The following RASA2 variants were observed in gnomAD, a reference collection of about 807,000 sequenced individuals.
RASA2 encodes ras GTPase-activating protein 2.
RASA2 carries 155 observed loss-of-function variants against 118.2 expected under a neutral mutation model. That is an observed-to-expected ratio of 1.31 (90% CI 1.15 to 1.50). The LOEUF (loss-of-function observed/expected upper bound fraction) is 1.50, where lower values mean the gene tolerates loss of function less well. Among genes scored for constraint, RASA2 ranks in the 40% most tolerant of loss-of-function variants. The pLI, the probability that RASA2 is intolerant of heterozygous loss-of-function variation, is 0.00. For missense variants in RASA2, 1,016 were observed against 1,009.6 expected (o/e 1.01, Z -0.09); for synonymous variants, 353 against 349.1 (o/e 1.01, Z -0.12).
At chr3:141,552,843 T>G (rs2082594313) in intron 5 of RASA2, among the ~76,000 whole-genome samples, 1 of 152,196 alleles carries the variant, frequency 6.6e-6, no homozygotes, top group Admixed American at 6.5e-5. Flanking sequence ...CTCAACAGCT[T>G]GCATCTTTCA....
intron 5 of RASA2, among the ~76,000 whole-genome samples, chr3:141,553,111 T>G (rs543159691): frequency 2.0e-5 from 3 of 152,314 alleles, no homozygotes; most frequent in Non-Finnish European, 4.4e-5. Context: ...TTACTGAGAA[T>G]TGGAATAAAA....
intron 11 of RASA2, 95 bp downstream of exon 11, chr3:141,571,649 G>T (rs1486106995): frequency 7.9e-7 from 1 of 1,270,892 alleles, no homozygotes; most frequent in Admixed American, 2.5e-5. Flanking sequence ...TTTTTGTATT[G>T]ATCAGCCTTA....
At chr3:141,513,326 A>G (rs1251715694) in intron 2 of RASA2, among the ~76,000 whole-genome samples, 1 of 151,928 alleles carries the variant, frequency 6.6e-6, no homozygotes, top group African/African-American at 2.4e-5. Flanking sequence ...AAGGTATTGT[A>G]TAAAACTGAA....
Position 141,487,103 on chromosome 3 carries a change from C to T in RASA2, c.20C>T (p.Ala7Val). 1 of 1,399,488 alleles carries T rather than the reference C, an allele frequency of 7.1e-7. No individual in the cohort carries two copies. 86.7% of individuals were successfully genotyped at this position (1,399,488 alleles called of 1,614,324 possible). A position where few individuals can be genotyped will look rare whatever the true frequency, so the allele number is the denominator to read the frequency against. The stretch of plus-strand genomic sequence containing the variant: ...GGCACCATGGCGGCGGCGGCGCCTG[C>T]TGCTGCGGCGGCTTCTTCCGAGGCG... MAAAAP[A>V]AAAASSEAPA... Residue 7 changes from alanine to valine, a missense_variant, in exon 1 of 24, where the codon GCT becomes GTT. Physicochemically the swap from Ala to Val is moderately conservative, Grantham distance 64. Transcript: ENST00000286364.
chr3:141,580,080 AAAAAAAT>A (rs2083081304), intron 15 of RASA2, among the ~76,000 whole-genome samples: 116 of 103,512 alleles, frequency 1.1e-3, no homozygotes, highest in African/African-American at 4.3e-3. Flanking sequence ...AAAAAAAAAA[AAAAAAAT>A]ATATATATAT....
At chr3:141,593,218 T>C (rs551074450) in intron 19 of RASA2, among the ~76,000 whole-genome samples, 89 of 152,246 alleles carry the variant, frequency 5.8e-4, no homozygotes, top group African/African-American at 2.1e-3. Flanking sequence ...CGGCTAATTT[T>C]GTATTTTTAG....
Position 141,518,663 on chromosome 3 carries a change from G to A in RASA2, c.355+2232G>A, listed in dbSNP as rs2082067490. Among the ~76,000 whole-genome samples the A allele has an allele frequency of 2.7e-5, 4 of 150,798 alleles. No individual in the cohort carries two copies. In the South Asian group the frequency reaches 8.4e-4, roughly 32 times the overall value. On this transcript the variant is annotated intron_variant, in intron 3 of 23. Transcript: ENST00000286364. ...TATAATCTGGCTTCTATGTTTTTTT[G>A]ATAAACCTTTCTTGAAATTTGCCAA... is the stretch of plus-strand genomic sequence containing the variant.
chr3:141,536,761 CTT>C (rs778644144), intron 4 of RASA2, among the ~76,000 whole-genome samples: 23 of 127,418 alleles, frequency 1.8e-4, no homozygotes, highest in Admixed American at 3.1e-4. Flanking sequence ...TTGTTAGATT[CTT>C]TTTTTTTTTT....
Position 141,609,888 on chromosome 3 carries a change from A to G in RASA2, c.2341A>G (p.Thr781Ala). 6.4e-7 allele frequency: 1 copy of G among 1,569,612 alleles called. No homozygotes were observed. Among genetic ancestry groups the G allele is most frequent in the Non-Finnish European group, 8.6e-7 (1 of 1,162,950 alleles). Residue 781 changes from threonine to alanine, a missense_variant, in exon 23 of 24, where the codon ACT becomes GCT. Physicochemically the swap from Thr to Ala is moderately conservative, Grantham distance 58. Around this residue, in one of 2 missense-constraint regions of RASA2, gnomAD observed 120 missense variants for 173.2 expected, o/e 0.69. Coordinates refer to ENST00000286364, the MANE Select transcript of RASA2 (RefSeq NM_006506.5). ...KLQKMEEACG[T>A]IAVYQGPQKE... ...CCTGCTCTTTGTAGAGGCTTGTGGA[A>G]CTATTGCAGTCTATCAAGGACCACA...
intron 6 of RASA2, 121 bp from the exon 7 acceptor site, chr3:141,555,719 G>A: frequency 1.3e-6 from 1 of 749,174 alleles, no homozygotes; most frequent in Non-Finnish European, 2.2e-6. Context: ...ATTTAAAACT[G>A]AATCTTCCCT....
chr3:141,600,800 C>G (rs907118687), intron 19 of RASA2, among the ~76,000 whole-genome samples: 1 of 152,114 alleles, frequency 6.6e-6, no homozygotes, highest in African/African-American at 2.4e-5. Flanking sequence ...TAAAAATGGA[C>G]AAGTTGATTC....
chr3:141,539,414 A>G (rs757106736), intron 4 of RASA2, among the ~76,000 whole-genome samples: 24 of 152,196 alleles, frequency 1.6e-4, no homozygotes, highest in Non-Finnish European at 3.1e-4. Flanking sequence ...ATCTCTTACT[A>G]TTCATCTAAC....
intron 21 of RASA2, 136 bp from the exon 22 acceptor site, chr3:141,609,284 C>T (rs1480779488): frequency 1.6e-5 from 8 of 509,850 alleles, no homozygotes; most frequent in Admixed American, 3.8e-5. Context: ...TTTTAACTGT[C>T]AAATGAAACT....
chr3:141,561,765 T>C (rs912724543), intron 9 of RASA2, among the ~76,000 whole-genome samples: 1 of 152,198 alleles, frequency 6.6e-6, no homozygotes, highest in Non-Finnish European at 1.5e-5. Context: ...GTTTGAAAAG[T>C]CTCAAAATAG....
intron 5 of RASA2, among the ~76,000 whole-genome samples, chr3:141,549,912 G>C (rs907021495): frequency 6.6e-6 from 1 of 152,110 alleles, no homozygotes; most frequent in African/African-American, 2.4e-5. Flanking sequence ...ACCAAATCTG[G>C]AACAATTTGA....
intron 2 of RASA2, among the ~76,000 whole-genome samples, chr3:141,513,523 CAT>C (rs962175771): frequency 3.3e-5 from 5 of 152,286 alleles, no homozygotes; most frequent in Admixed American, 2.0e-4. Flanking sequence ...CATACCTACA[CAT>C]GTCTTGTCTT....
chr3:141,589,043 T>A (rs2083248988), intron 19 of RASA2, among the ~76,000 whole-genome samples: 1 of 152,136 alleles, frequency 6.6e-6, no homozygotes, highest in African/African-American at 2.4e-5. Context: ...GGTTTCACCA[T>A]GTTGGCCAGG....
chr3:141,516,590 G>C (rs913232388), intron 3 of RASA2, among the ~76,000 whole-genome samples, 159 bp downstream of exon 3: 25 of 151,992 alleles, frequency 1.6e-4, no homozygotes, highest in African/African-American at 6.0e-4. Flanking sequence ...TTTTTAATTT[G>C]TATGTTCAGC....
intron 19 of RASA2, among the ~76,000 whole-genome samples, chr3:141,601,196 GCAGA>G (rs1023024683): frequency 1.3e-5 from 2 of 152,184 alleles, no homozygotes; most frequent in Non-Finnish European, 2.9e-5. Context: ...AGAGGCTGCG[GCAGA>G]CAGATTGCCT....
Sources: gnomAD v4.1 joint callset for allele counts (sites outside exome capture counted in the v4.1 genomes callset) on GRCh38, gnomAD v4.1.1 for gene constraint, gnomAD v4.1.1 regional missense constraint, MANE v1.5 for transcripts, NCBI Gene and HGNC (gene_info 2026-07-23, HGNC 2026-07-21) for gene names.